The following NEGR1 variants were observed in gnomAD, a reference collection of about 807,000 sequenced individuals.
The protein encoded by NEGR1 is neuronal growth regulator 1.
In NEGR1, 10 loss-of-function variants were observed where a neutral mutation model predicts 40.9. The observed-to-expected ratio is 0.24, with a 90% CI of 0.15 to 0.42. The LOEUF (loss-of-function observed/expected upper bound fraction) is 0.42. Ranked by LOEUF, NEGR1 falls within the 10% of genes least tolerant of loss-of-function variation. The pLI is 1.00. For missense variants in NEGR1, 352 were observed against 438.9 expected (o/e 0.80, Z 1.77); for synonymous variants, 185 against 166.8 (o/e 1.11, Z -0.84).
chr1:71,639,914 C>G (rs1236108509), intron 4 of NEGR1, among the ~76,000 whole-genome samples: 1 of 152,042 alleles, frequency 6.6e-6, no homozygotes, highest in Non-Finnish European at 1.5e-5. Context: ...CACACTTCCT[C>G]CATTCATTCC....
Position 71,972,260 on chromosome 1 carries a change from A to G in NEGR1, c.177-36949T>C, listed in dbSNP as rs547552273. Among the ~76,000 whole-genome samples the G allele has an allele frequency of 3.9e-5, 6 of 152,300 alleles. No homozygotes were observed. The South Asian group carries it at 1.2e-3, about 32-fold the overall frequency. On this transcript the variant is annotated intron_variant, in intron 1 of 6. Transcript: ENST00000357731. Reference sequence around the variant, plus strand: ...TTTTCAAATTAAAAATGGCAGGTCTATAAGTAGACACCATGCTAGGACACC... The same window carrying G: ...TTTTCAAATTAAAAATGGCAGGTCTGTAAGTAGACACCATGCTAGGACACC...
intron 6 of NEGR1, among the ~76,000 whole-genome samples, chr1:71,427,317 TG>T: frequency 6.6e-6 from 1 of 152,300 alleles, no homozygotes; most frequent in Admixed American, 6.5e-5. Context: ...GCCAATAGCA[TG>T]GACTGTCCTC....
intron 2 of NEGR1, among the ~76,000 whole-genome samples, chr1:71,861,009 A>G (rs1387297627): frequency 2.0e-5 from 3 of 152,098 alleles, no homozygotes; most frequent in Admixed American, 2.0e-4. Context: ...ATTAAAAGCT[A>G]AGAAGTTACT....
At chr1:72,078,600 TATTA>T (rs1287595535) in intron 1 of NEGR1, among the ~76,000 whole-genome samples, 1 of 148,670 alleles carries the variant, frequency 6.7e-6, no homozygotes, top group African/African-American at 2.5e-5. Flanking sequence ...AATATATGTA[TATTA>T]ATTATCATAT....
At chr1:71,569,513 G>T (rs1648744069) in intron 6 of NEGR1, among the ~76,000 whole-genome samples, 1 of 152,092 alleles carries the variant, frequency 6.6e-6, no homozygotes, top group South Asian at 2.1e-4. Context: ...AAATAATCTG[G>T]CATCTCTTCT....
At position 71,401,189 on chromosome 1, in the gene NEGR1, A is replaced by G. The variant is rs1646244546; in HGVS notation, c.*6257T>C. 6.6e-6 allele frequency: 1 copy of G among 152,164 alleles called. No homozygotes were observed. The highest frequency in any genetic ancestry group is 2.1e-4 in the South Asian group (1 of 4,832). The allele number at this position is 152,164 out of a possible 1,614,324, so 9.4% of individuals were successfully genotyped here. A position where few individuals can be genotyped will look rare whatever the true frequency, so the allele number is the denominator to read the frequency against. On this transcript the variant is annotated 3_prime_UTR_variant, in exon 7 of 7. Coordinates refer to ENST00000357731, the MANE Select transcript of NEGR1 (RefSeq NM_173808.3). The stretch of plus-strand genomic sequence containing the variant: ...ATTTGAACTCTTTTTCAAGTTGTAA[A>G]TAAATAATACTAAGGCAAAATATTT...
intron 1 of NEGR1, among the ~76,000 whole-genome samples, chr1:72,205,664 C>A (rs567051026): frequency 6.9e-6 from 1 of 145,770 alleles, no homozygotes; most frequent in Non-Finnish European, 1.5e-5. Context: ...TGCCTATAAT[C>A]CTAGCACACT....
chr1:71,478,532 A>T (rs1263409049), intron 6 of NEGR1, among the ~76,000 whole-genome samples: 2 of 151,964 alleles, frequency 1.3e-5, no homozygotes, highest in South Asian at 4.1e-4. Context: ...CAACATCTTG[A>T]TATTTTTATT....
chr1:71,572,997 T>G (rs1432926752), intron 6 of NEGR1, among the ~76,000 whole-genome samples: 1 of 152,228 alleles, frequency 6.6e-6, no homozygotes, highest in Non-Finnish European at 1.5e-5. Context: ...AGAGGCAGAA[T>G]TCTTATTAGG....
intron 1 of NEGR1, among the ~76,000 whole-genome samples, chr1:72,113,794 T>C (rs1042091724): frequency 6.6e-6 from 1 of 151,774 alleles, no homozygotes; most frequent in African/African-American, 2.4e-5. Flanking sequence ...ACAAATACTG[T>C]CAGGCTGTCA....
rs774832038 is a variant in NEGR1, at chr1:71,407,449, T to C, written c.1062A>G (p.Gln354=). Residue 354 remains glutamine (Q), a synonymous_variant, in exon 7 of 7, where the codon CAA becomes CAG. Coordinates refer to ENST00000357731, the MANE Select transcript of NEGR1 (RefSeq NM_173808.3). The part of the protein sequence containing the change: ...SIFYLKNAIL[Q] ...AGCCTTTTATGGGTCTTTGAATTTA[T>C]TGTAGAATGGCATTCTTCAGGTAGA... is the stretch of plus-strand genomic sequence containing the variant. 1.2e-6 allele frequency: 2 copies of C among 1,611,708 alleles called. No individual in the cohort carries two copies. The highest frequency in any genetic ancestry group is 2.2e-5 in the South Asian group (2 of 90,938).
chr1:71,905,693 T>C (rs964520067), intron 2 of NEGR1, among the ~76,000 whole-genome samples: 1 of 152,040 alleles, frequency 6.6e-6, no homozygotes, highest in African/African-American at 2.4e-5. Context: ...GATATAAAGC[T>C]GGCAGAAATA....
intron 4 of NEGR1, among the ~76,000 whole-genome samples, chr1:71,622,162 T>A (rs945230819): frequency 2.6e-5 from 4 of 151,912 alleles, no homozygotes; most frequent in African/African-American, 9.7e-5. Flanking sequence ...AGGAATTAAA[T>A]GGTTCACTGT....
At chr1:72,277,140 T>C (rs867213656) in intron 1 of NEGR1, among the ~76,000 whole-genome samples, 1 of 152,180 alleles carries the variant, frequency 6.6e-6, no homozygotes, top group African/African-American at 2.4e-5. Flanking sequence ...CAAAGACTAC[T>C]TTCCATTGGC....
chr1:72,171,923 C>T (rs1486112), intron 1 of NEGR1, among the ~76,000 whole-genome samples: 3 of 152,030 alleles, frequency 2.0e-5, no homozygotes, highest in African/African-American at 7.3e-5. Context: ...GTTTGGGAAC[C>T]CAGTATTTTC....
chr1:71,461,878 A>C (rs1013360445), intron 6 of NEGR1: 1 of 152,166 alleles, frequency 6.6e-6, no homozygotes, highest in Non-Finnish European at 1.5e-5. Flanking sequence ...CATAACTCTT[A>C]TGTAATCTTC....
At chr1:71,923,385 T>TCACACA (rs986981453) in intron 2 of NEGR1, among the ~76,000 whole-genome samples, 1 of 149,702 alleles carries the variant, frequency 6.7e-6, no homozygotes, top group African/African-American at 2.5e-5. Flanking sequence ...TCTCTCTCTC[T>TCACACA]CACACACACA....
At chr1:71,418,062 G>A (rs1646367828) in intron 6 of NEGR1, among the ~76,000 whole-genome samples, 1 of 133,298 alleles carries the variant, frequency 7.5e-6, no homozygotes, top group South Asian at 2.5e-4. Flanking sequence ...ACTATTCTGT[G>A]TTCCAGGGTA....
chr1:72,245,098 C>G (rs1014677455), intron 1 of NEGR1, among the ~76,000 whole-genome samples: 3 of 151,908 alleles, frequency 2.0e-5, no homozygotes, highest in Non-Finnish European at 4.4e-5. Context: ...TATTGGTCAA[C>G]GTAAAATTTT....
Sources: gnomAD v4.1 joint callset for allele counts (sites outside exome capture counted in the v4.1 genomes callset) on GRCh38, gnomAD v4.1.1 for gene constraint, MANE v1.5 for transcripts, NCBI Gene and HGNC (gene_info 2026-07-23, HGNC 2026-07-21) for gene names.